Variants in FBXO4 observed in about 807,000 individuals in gnomAD.
The protein encoded by FBXO4 is F-box only protein 4.
In FBXO4, 36 loss-of-function variants were observed where a neutral mutation model predicts 43.7. That is an observed-to-expected ratio of 0.82 (90% CI 0.63 to 1.09). The LOEUF (loss-of-function observed/expected upper bound fraction) is 1.09, where lower values mean the gene tolerates loss of function less well. FBXO4 is among the 50% of genes least tolerant of loss of function. The pLI, the probability that FBXO4 is intolerant of heterozygous loss-of-function variation, is 0.00. For synonymous variants in FBXO4, 180 were observed against 165.6 expected (o/e 1.09, Z -0.67); for missense variants, 435 against 474.1 (o/e 0.92, Z 0.77).
At chr5:41,945,937 C>G (rs1010477376), downstream of FBXO4, among the ~76,000 whole-genome samples, 4 of 152,218 alleles carry the variant, frequency 2.6e-5, no homozygotes, top group Non-Finnish European at 4.4e-5. Context: ...TTAGAAATTA[C>G]TGATGCACAC....
chr5:42,028,085 T>C, the FBXO4 span, among the ~76,000 whole-genome samples: 1 of 151,948 alleles, frequency 6.6e-6, no homozygotes. Flanking sequence ...TATTTCTTTT[T>C]TGATGTTCTG....
chr5:41,927,251 A>G lies in FBXO4; in HGVS notation c.425+3A>G. 1.3e-6 allele frequency: 2 copies of G among 1,562,870 alleles called. No individual in the cohort carries two copies. Among genetic ancestry groups the G allele is most frequent in the Non-Finnish European group, 1.7e-6 (2 of 1,157,370 alleles). On this transcript the variant is annotated splice_donor_region_variant and intron_variant, in intron 2 of 6. Transcript: ENST00000281623. ...GCATTTTTTGACTACATGGCAGTGT[A>G]AGTATCTAGTTTTATGAATTAAAAA... is the stretch of plus-strand genomic sequence containing the variant.
the FBXO4 span, chr5:41,968,037 C>A: frequency 2.5e-6 from 1 of 394,124 alleles, no homozygotes; most frequent in Admixed American, 3.4e-5. Context: ...GCCGCACTTC[C>A]TGCTTGATCC....
At chr5:41,949,209 G>T in the FBXO4 span, among the ~76,000 whole-genome samples, 1 of 152,132 alleles carries the variant, frequency 6.6e-6, no homozygotes, top group South Asian at 2.1e-4. Context: ...GGAAGTTCTG[G>T]CCAGGGCAAT....
the FBXO4 span, among the ~76,000 whole-genome samples, chr5:41,953,363 A>G: frequency 7.0e-4 from 107 of 151,904 alleles, no homozygotes; most frequent in Middle Eastern, 3.4e-3. Context: ...TCCGTGGTGT[A>G]TATGTGCCAC....
chr5:41,988,110 G>C, the FBXO4 span, among the ~76,000 whole-genome samples: 77 of 152,256 alleles, frequency 5.1e-4, 2 homozygotes, highest in East Asian at 0.015. Context: ...TAATATGGTG[G>C]TAACATGTGG....
the FBXO4 span, among the ~76,000 whole-genome samples, chr5:42,015,497 C>T: frequency 6.6e-6 from 1 of 152,138 alleles, no homozygotes; most frequent in East Asian, 1.9e-4. Flanking sequence ...CAGGCTAGTG[C>T]TATTACCAGT....
chr5:41,994,197 A>T, the FBXO4 span, among the ~76,000 whole-genome samples: 1 of 152,222 alleles, frequency 6.6e-6, no homozygotes, highest in African/African-American at 2.4e-5. Flanking sequence ...CCCAAACAAA[A>T]TGCTATTACA....
the FBXO4 span, among the ~76,000 whole-genome samples, chr5:42,026,361 C>CACTGATTTTTATATATAGAAATCAGCAT: frequency 6.6e-6 from 1 of 151,696 alleles, no homozygotes; most frequent in Non-Finnish European, 1.5e-5. Context: ...AGAAATGCCA[C>CACTGATTTTTATATATAGAAATCAGCAT]ACTGATTTTT....
the FBXO4 span, among the ~76,000 whole-genome samples, chr5:41,958,131 A>T: frequency 6.2e-5 from 8 of 128,806 alleles, no homozygotes; most frequent in Admixed American, 8.1e-5. Flanking sequence ...CTGTTAACAA[A>T]TTTTTTTTTT....
chr5:41,998,772 C>T, the FBXO4 span, among the ~76,000 whole-genome samples: 1 of 152,194 alleles, frequency 6.6e-6, no homozygotes, highest in Non-Finnish European at 1.5e-5. Context: ...TGAAACTATG[C>T]ATGCACCTTT....
chr5:42,011,996 C>T, the FBXO4 span, among the ~76,000 whole-genome samples: 1 of 152,168 alleles, frequency 6.6e-6, no homozygotes, highest in Non-Finnish European at 1.5e-5. Flanking sequence ...ATTAACTAAG[C>T]TCCAAATACG....
Position 41,933,275 on chromosome 5 carries a change from G to C in FBXO4, c.647-671G>C, listed in dbSNP as rs141093103. 4.8e-3 allele frequency among the ~76,000 whole-genome samples: 735 copies of C among 152,230 alleles called. 6 individuals carry two copies. The highest frequency in any genetic ancestry group is 8.6e-3 in the Non-Finnish European group (587 of 68,022). ...CTGTTACCCAGGCTGGAGTACAGTG[G>C]CATGATCATGGCTCACTGCAGCTTT... On this transcript the variant is annotated intron_variant, in intron 3 of 6. Transcript: ENST00000281623.
At chr5:41,950,839 A>G in the FBXO4 span, among the ~76,000 whole-genome samples, 1 of 152,324 alleles carries the variant, frequency 6.6e-6, no homozygotes, top group South Asian at 2.1e-4. Context: ...TAGAATGGAT[A>G]AATAAAATGT....
At chr5:41,927,630 G>C (rs560219971) in intron 2 of FBXO4, among the ~76,000 whole-genome samples, 1 of 152,140 alleles carries the variant, frequency 6.6e-6, no homozygotes, top group East Asian at 1.9e-4. Flanking sequence ...CATTCTAAAG[G>C]CTCTGAGAAA....
chr5:41,941,301 G>A lies in FBXO4; in HGVS notation c.*20G>A. 1 of 1,602,250 alleles carries A rather than the reference G, an allele frequency of 6.2e-7. No individual in the cohort carries two copies. The highest frequency in any genetic ancestry group is 8.6e-7 in the Non-Finnish European group (1 of 1,169,562). On this transcript the variant is annotated 3_prime_UTR_variant, in exon 7 of 7. Transcript: ENST00000281623. ...AGATGATTCTCTTTTCAGATCTTGGGAACTGAAACCATTTGAAATTTATTA... is the reference window on the plus strand; with the variant it reads ...AGATGATTCTCTTTTCAGATCTTGGAAACTGAAACCATTTGAAATTTATTA...
the FBXO4 span, among the ~76,000 whole-genome samples, chr5:41,989,456 A>G: frequency 6.6e-6 from 1 of 152,196 alleles, no homozygotes; most frequent in African/African-American, 2.4e-5. Context: ...AAGTTACTGT[A>G]GAGAAAGATG....
the FBXO4 span, among the ~76,000 whole-genome samples, chr5:42,034,488 T>A: frequency 1.1e-4 from 16 of 152,244 alleles, no homozygotes; most frequent in Non-Finnish European, 1.8e-4. Flanking sequence ...AGGGTTTTTA[T>A]GGTTTTGGGT....
chr5:42,036,180 C>T, the FBXO4 span, among the ~76,000 whole-genome samples: 1 of 151,618 alleles, frequency 6.6e-6, no homozygotes, highest in African/African-American at 2.4e-5. Context: ...TAAATGGTGG[C>T]TTTGGGATGG....
Sources: allele counts gnomAD v4.1 joint callset (sites outside exome capture counted in the v4.1 genomes callset), GRCh38; gene constraint gnomAD v4.1.1; transcripts MANE v1.5; gene names NCBI Gene and HGNC (gene_info 2026-07-23, HGNC 2026-07-21).